Variants in ZNF277 observed in about 807,000 individuals in gnomAD.
ZNF277 encodes nuclear receptor-interacting factor 4.
A neutral mutation model predicts 60.7 loss-of-function variants in ZNF277; 55 were observed. The ratio of observed to expected loss-of-function variants is 0.91; its 90% CI spans 0.73 to 1.13. ZNF277 has a LOEUF of 1.13. Among genes scored for constraint, ZNF277 ranks in the 50% most tolerant of loss-of-function variants. The probability of loss-of-function intolerance (pLI) is 0.00; values close to 1 mark genes in which losing one functional copy is unlikely to be tolerated. For missense variants in ZNF277, 510 were observed against 523.0 expected (o/e 0.98, Z 0.24); for synonymous variants, 178 against 179.3 (o/e 0.99, Z 0.06).
At chr7:112,235,708 T>A (rs1464670160) in intron 1 of ZNF277, among the ~76,000 whole-genome samples, 1 of 152,090 alleles carries the variant, frequency 6.6e-6, no homozygotes. Flanking sequence ...CTGTGGGCTG[T>A]CTTTCCATGT....
chr7:112,338,701 G>C (rs948383156), intron 9 of ZNF277, among the ~76,000 whole-genome samples: 1 of 152,088 alleles, frequency 6.6e-6, no homozygotes, highest in Non-Finnish European at 1.5e-5. Context: ...CTCTGAAAAA[G>C]GTTCCCACTA....
intron 1 of ZNF277, among the ~76,000 whole-genome samples, chr7:112,254,338 AACTCTGGGAATGGAGCCCAAT>A (rs1369689903): frequency 6.6e-6 from 1 of 152,152 alleles, no homozygotes; most frequent in African/African-American, 2.4e-5. Flanking sequence ...CTGAATCAGC[AACTCTGGGAATGGAGCCCAAT>A]ACTCTGTTTA....
chr7:112,303,311 TA>T (rs1792520469), intron 4 of ZNF277, among the ~76,000 whole-genome samples: 1 of 152,104 alleles, frequency 6.6e-6, no homozygotes, highest in African/African-American at 2.4e-5. Flanking sequence ...GAACAGGACA[TA>T]AATATGTATG....
At chr7:112,221,415 CATT>C (rs931971921) in intron 1 of ZNF277, among the ~76,000 whole-genome samples, 2 of 152,158 alleles carry the variant, frequency 1.3e-5, no homozygotes, top group African/African-American at 4.8e-5. Flanking sequence ...CCCCCGGTAA[CATT>C]ATCATATATG....
At chr7:112,267,763 A>G (rs1791582866) in intron 1 of ZNF277, among the ~76,000 whole-genome samples, 1 of 152,146 alleles carries the variant, frequency 6.6e-6, no homozygotes, top group African/African-American at 2.4e-5. Flanking sequence ...GGAGGGAAAG[A>G]AAGTTTTCCC....
At chr7:112,254,840 A>T (rs901672839) in intron 1 of ZNF277, among the ~76,000 whole-genome samples, 1 of 152,008 alleles carries the variant, frequency 6.6e-6, no homozygotes, top group African/African-American at 2.4e-5. Flanking sequence ...GCGTGGTGGC[A>T]TGGGCTTGTA....
chr7:112,287,326 G>C (rs1792092469), intron 2 of ZNF277: 2 of 454,042 alleles, frequency 4.4e-6, no homozygotes, highest in African/African-American at 3.9e-5. Context: ...AGTGAGTTAT[G>C]GTTATACCAT....
At chr7:112,278,802 C>T (rs1165900121) in intron 1 of ZNF277, among the ~76,000 whole-genome samples, 1 of 152,090 alleles carries the variant, frequency 6.6e-6, no homozygotes, top group Non-Finnish European at 1.5e-5. Context: ...TTAATGTACA[C>T]TACTATTAAG....
Position 112,295,951 on chromosome 7 carries a change from C to G in ZNF277, c.376C>G (p.Pro126Ala). Residue 126 changes from proline to alanine, a missense_variant, in exon 3 of 12, where the codon CCA becomes GCA. Transcript: ENST00000361822. ...TGTAATAAGAATTAATTCCACTGCT[C>G]CATTTGGTAAGTGTACATCTTGGCT... is the stretch of plus-strand genomic sequence containing the variant. ...CSVIRINSTA[P>A]FEEQENYFLL... The G allele has an allele frequency of 6.2e-7, 1 of 1,609,176 alleles. No homozygotes were observed. Among genetic ancestry groups the G allele is most frequent in the Non-Finnish European group, 8.5e-7 (1 of 1,175,860 alleles).
At chr7:112,325,585 T>C (rs934703503) in intron 5 of ZNF277, among the ~76,000 whole-genome samples, 9 of 152,180 alleles carry the variant, frequency 5.9e-5, no homozygotes, top group Admixed American at 3.9e-4. Context: ...TCTGTATTCC[T>C]GTCTGGCAGG....
chr7:112,289,680 A>T (rs1464552823), intron 2 of ZNF277, among the ~76,000 whole-genome samples: 1 of 152,174 alleles, frequency 6.6e-6, no homozygotes, highest in Non-Finnish European at 1.5e-5. Flanking sequence ...CAACCATTGA[A>T]AGAAATACTA....
At chr7:112,242,783 ATCAATG>A (rs1310614119) in intron 1 of ZNF277, among the ~76,000 whole-genome samples, 1 of 152,038 alleles carries the variant, frequency 6.6e-6, no homozygotes, top group East Asian at 1.9e-4. Flanking sequence ...CTATCAAAAT[ATCAATG>A]TCATTTTTCA....
intron 2 of ZNF277, among the ~76,000 whole-genome samples, chr7:112,290,991 CT>C (rs1792193781): frequency 6.6e-6 from 1 of 152,110 alleles, no homozygotes; most frequent in African/African-American, 2.4e-5. Flanking sequence ...AAGAGATGGA[CT>C]TACCTTGTGG....
intron 1 of ZNF277, among the ~76,000 whole-genome samples, chr7:112,247,400 T>G (rs915674342): frequency 1.3e-5 from 2 of 152,146 alleles, no homozygotes; most frequent in African/African-American, 4.8e-5. Flanking sequence ...AGATAGCAGA[T>G]TGACATGAGC....
intron 1 of ZNF277, among the ~76,000 whole-genome samples, chr7:112,275,548 T>TA (rs1291761105): frequency 6.6e-6 from 1 of 152,200 alleles, no homozygotes; most frequent in African/African-American, 2.4e-5. Flanking sequence ...ATATATGTTT[T>TA]AAAGCGTATT....
chr7:112,237,276 G>C (rs1187439015), intron 1 of ZNF277, among the ~76,000 whole-genome samples: 1 of 152,022 alleles, frequency 6.6e-6, no homozygotes, highest in African/African-American at 2.4e-5. Context: ...CAAAAGAATA[G>C]ATCACAAATT....
Position 112,318,165 on chromosome 7 carries a change from C to G in ZNF277, c.466-17C>G, listed in dbSNP as rs769030489. 7 of 1,599,276 alleles carry G rather than the reference C, an allele frequency of 4.4e-6. No individual in the cohort carries two copies. Among genetic ancestry groups the G allele is most frequent in the Non-Finnish European group, 4.3e-6 (5 of 1,166,714 alleles). On this transcript the variant is annotated splice_polypyrimidine_tract_variant and intron_variant, in intron 4 of 11. Coordinates refer to ENST00000361822, the MANE Select transcript of ZNF277 (RefSeq NM_021994.3). ...TGTGCATTAAGATAATACCATAAAT[C>G]TGTTTCTACTTTCCAGAGAGAAATT...
At chr7:112,313,282 A>ATTT (rs58333831) in intron 4 of ZNF277, among the ~76,000 whole-genome samples, 45 of 145,840 alleles carry the variant, frequency 3.1e-4, no homozygotes, top group Non-Finnish European at 3.8e-4. Flanking sequence ...ATGTTTTAAA[A>ATTT]TTTTTTTTTT....
intron 1 of ZNF277, among the ~76,000 whole-genome samples, chr7:112,240,414 A>AT (rs912674679): frequency 1.3e-5 from 2 of 152,180 alleles, no homozygotes; most frequent in African/African-American, 4.8e-5. Context: ...TAACTAAAAG[A>AT]TATAATTGGA....
Sources: allele counts gnomAD v4.1 joint callset (sites outside exome capture counted in the v4.1 genomes callset), GRCh38; gene constraint gnomAD v4.1.1; transcripts MANE v1.5; gene names NCBI Gene and HGNC (gene_info 2026-07-23, HGNC 2026-07-21).